LYPLAL1: variants seen among roughly 807,000 people sequenced by gnomAD.
LYPLAL1 encodes the protein lysophospholipase-like protein 1.
Under a neutral mutation model 19.7 loss-of-function variants are expected in LYPLAL1, and 23 were observed. The observed-to-expected ratio is 1.17, with a 90% CI of 0.84 to 1.65. LYPLAL1 has a LOEUF of 1.65. LYPLAL1 is among the 40% of genes most tolerant of loss of function. The pLI, the probability that LYPLAL1 is intolerant of heterozygous loss-of-function variation, is 0.00. For missense variants in LYPLAL1, 355 were observed against 279.4 expected (o/e 1.27, Z -1.93); for synonymous variants, 119 against 96.3 (o/e 1.24, Z -1.38).
intron 3 of LYPLAL1, chr1:219,199,864 A>G (rs1172439900): frequency 9.2e-6 from 2 of 217,494 alleles, no homozygotes; most frequent in East Asian, 2.1e-4. Flanking sequence ...TGTCCAAGAA[A>G]TTAAATTTAA....
chr1:219,283,611 G>C, the LYPLAL1 span, among the ~76,000 whole-genome samples: 1 of 152,084 alleles, frequency 6.6e-6, no homozygotes, highest in African/African-American at 2.4e-5. Flanking sequence ...TTAAAGCACA[G>C]CATTTTTAAA....
At chr1:219,203,783 CTCTGGAGGGCTGACTAGTCAGTGTGAAGG>C (rs1292533247) in intron 3 of LYPLAL1, among the ~76,000 whole-genome samples, 1 of 152,042 alleles carries the variant, frequency 6.6e-6, no homozygotes, top group East Asian at 1.9e-4. Flanking sequence ...ATGCTGACAA[CTCTGGAGGGCTGACTAGTCAGTGTGAAGG>C]TCAGAAAAAC....
chr1:219,282,618 A>G, the LYPLAL1 span, among the ~76,000 whole-genome samples: 3 of 152,184 alleles, frequency 2.0e-5, no homozygotes, highest in Non-Finnish European at 4.4e-5. Context: ...GTCAAATACA[A>G]AACAATGGTC....
At chr1:219,294,582 G>A in the LYPLAL1 span, among the ~76,000 whole-genome samples, 3 of 152,038 alleles carry the variant, frequency 2.0e-5, no homozygotes, top group Non-Finnish European at 4.4e-5. Flanking sequence ...ATTTCTTGTG[G>A]CCTAAGCACC....
chr1:219,261,280 C>T, the LYPLAL1 span, among the ~76,000 whole-genome samples: 4 of 152,094 alleles, frequency 2.6e-5, no homozygotes, highest in Non-Finnish European at 4.4e-5. Flanking sequence ...AAATCTAAAT[C>T]TCTCATCGTC....
the LYPLAL1 span, among the ~76,000 whole-genome samples, chr1:219,241,247 A>T: frequency 3.3e-5 from 5 of 149,440 alleles, no homozygotes; most frequent in African/African-American, 1.2e-4. Flanking sequence ...AGCATCTTGG[A>T]TCTTACTATT....
chr1:219,214,913 C>A (rs1659233059), downstream of LYPLAL1, among the ~76,000 whole-genome samples: 2 of 152,046 alleles, frequency 1.3e-5, no homozygotes, highest in African/African-American at 4.8e-5. Context: ...TGGTCTCAAA[C>A]TCCTGACCTC....
the LYPLAL1 span, among the ~76,000 whole-genome samples, chr1:219,318,988 C>A: frequency 6.6e-6 from 1 of 152,168 alleles, no homozygotes; most frequent in African/African-American, 2.4e-5. Flanking sequence ...CCCATTCTTT[C>A]TCTTTTTCAA....
the LYPLAL1 span, among the ~76,000 whole-genome samples, chr1:219,218,195 TAGG>T: frequency 1.2e-4 from 18 of 151,994 alleles, no homozygotes; most frequent in Non-Finnish European, 2.1e-4. Context: ...GAGAACAAAA[TAGG>T]AGGCAGACTG....
At chr1:219,267,582 G>C in the LYPLAL1 span, among the ~76,000 whole-genome samples, 7 of 152,296 alleles carry the variant, frequency 4.6e-5, no homozygotes, top group East Asian at 1.3e-3. Context: ...TTTCAGGCCT[G>C]TGTTACCTTC....
chr1:219,200,659 T>A, intron 3 of LYPLAL1: 1 of 229,024 alleles, frequency 4.4e-6, no homozygotes, highest in Admixed American at 4.8e-5. Context: ...TGCCACGATC[T>A]GTCAAAAACC....
chr1:219,234,368 A>C, the LYPLAL1 span, among the ~76,000 whole-genome samples: 1 of 152,168 alleles, frequency 6.6e-6, no homozygotes, highest in East Asian at 1.9e-4. Flanking sequence ...CTATTGAATC[A>C]AATTATTATA....
chr1:219,202,622 A>T (rs1658207130), intron 3 of LYPLAL1, among the ~76,000 whole-genome samples: 1 of 152,236 alleles, frequency 6.6e-6, no homozygotes, highest in South Asian at 2.1e-4. Context: ...AGAAAAATGC[A>T]TTTGAGATTC....
At chr1:219,179,401 T>TAC in intron 2 of LYPLAL1, 155 bp downstream of exon 2, 5 of 626,828 alleles carry the variant, frequency 8.0e-6, no homozygotes, top group Non-Finnish European at 1.4e-5. Flanking sequence ...TTATTGCAGT[T>TAC]ACACTGTTGG....
the LYPLAL1 span, among the ~76,000 whole-genome samples, chr1:219,341,977 T>C: frequency 1.9e-4 from 29 of 152,248 alleles, 1 homozygote; most frequent in Admixed American, 1.8e-3. Flanking sequence ...CTATTCTCAA[T>C]ACTTTTTATT....
chr1:219,311,243 T>C, the LYPLAL1 span, among the ~76,000 whole-genome samples: 1 of 151,744 alleles, frequency 6.6e-6, no homozygotes, highest in African/African-American at 2.4e-5. Context: ...AGAAATGCAA[T>C]ATATGTTCTT....
the LYPLAL1 span, among the ~76,000 whole-genome samples, chr1:219,432,391 T>A: frequency 6.6e-6 from 1 of 151,620 alleles, no homozygotes; most frequent in South Asian, 2.1e-4. Flanking sequence ...ATTCAGAAGG[T>A]AAGTGGAAAG....
chr1:219,310,533 C>T, the LYPLAL1 span, among the ~76,000 whole-genome samples: 1 of 152,138 alleles, frequency 6.6e-6, no homozygotes, highest in Non-Finnish European at 1.5e-5. Context: ...AATGGGAACG[C>T]TTTGAGGATG....
At chr1:219,270,864 C>T in the LYPLAL1 span, 1 of 152,224 alleles carries the variant, frequency 6.6e-6, no homozygotes, top group Non-Finnish European at 1.5e-5. Context: ...TCCTGTATCA[C>T]TATGACAGGG....
Sources: gnomAD v4.1 joint callset for allele counts (sites outside exome capture counted in the v4.1 genomes callset) on GRCh38, gnomAD v4.1.1 for gene constraint, MANE v1.5 for transcripts, NCBI Gene and HGNC (gene_info 2026-07-23, HGNC 2026-07-21) for gene names.